Variants in AK5 observed in about 807,000 individuals in gnomAD.
AK5 encodes the protein adenylate kinase 5.
AK5 carries 27 observed loss-of-function variants against 69.5 expected under a neutral mutation model. That is an observed-to-expected ratio of 0.39 (90% CI 0.29 to 0.54). The LOEUF (loss-of-function observed/expected upper bound fraction) is 0.54, where lower values mean the gene tolerates loss of function less well. Among genes scored for constraint, AK5 ranks in the 20% least tolerant of loss-of-function variants. AK5 has a pLI of 0.71. For synonymous variants in AK5, 260 were observed against 244.4 expected (o/e 1.06, Z -0.60); for missense variants, 531 against 700.4 (o/e 0.76, Z 2.73).
At chr1:77,358,873 G>A (rs148293823) in intron 6 of AK5, among the ~76,000 whole-genome samples, 35 of 151,142 alleles carry the variant, frequency 2.3e-4, no homozygotes, top group African/African-American at 8.5e-4. Flanking sequence ...TATTTATAAG[G>A]ATTGGTTTAA....
chr1:77,547,992 A>G (rs1399743975), intron 13 of AK5, among the ~76,000 whole-genome samples: 1 of 152,176 alleles, frequency 6.6e-6, no homozygotes, highest in Non-Finnish European at 1.5e-5. Context: ...TAAACAGGAA[A>G]ATGATTGAGC....
chr1:77,339,644 CTTTT>C (rs34298832), intron 5 of AK5, among the ~76,000 whole-genome samples: 13 of 123,144 alleles, frequency 1.1e-4, no homozygotes, highest in Admixed American at 1.7e-4. Flanking sequence ...TTAGCAATAT[CTTTT>C]TTTTTTTTTT....
At chr1:77,550,226 T>C (rs1659755165) in intron 13 of AK5, among the ~76,000 whole-genome samples, 1 of 152,212 alleles carries the variant, frequency 6.6e-6, no homozygotes, top group Non-Finnish European at 1.5e-5. Flanking sequence ...TTTACAGGCG[T>C]GAGCCATTCC....
intron 10 of AK5, among the ~76,000 whole-genome samples, chr1:77,505,230 A>G (rs1238350597): frequency 6.6e-6 from 1 of 152,242 alleles, no homozygotes; most frequent in Admixed American, 6.5e-5. Context: ...GACTGCAAGC[A>G]CAGATAATCT....
intron 5 of AK5, among the ~76,000 whole-genome samples, chr1:77,301,849 T>C (rs1253110512): frequency 1.3e-5 from 2 of 152,216 alleles, no homozygotes; most frequent in Non-Finnish European, 2.9e-5. Flanking sequence ...AGGCAGGGAT[T>C]GCAAAGGTCC....
chr1:77,430,805 G>A (rs1651586181), intron 8 of AK5, among the ~76,000 whole-genome samples: 1 of 152,186 alleles, frequency 6.6e-6, no homozygotes, highest in South Asian at 2.1e-4. Context: ...AGATAAGGAA[G>A]AGAGAGACTG....
At chr1:77,473,652 A>AT (rs1654657828) in intron 8 of AK5, among the ~76,000 whole-genome samples, 1 of 152,212 alleles carries the variant, frequency 6.6e-6, no homozygotes, top group African/African-American at 2.4e-5. Context: ...TTGAAAAAAG[A>AT]AGCTGTCTTC....
chr1:77,362,967 C>G (rs1006452649), intron 6 of AK5, among the ~76,000 whole-genome samples: 1 of 152,142 alleles, frequency 6.6e-6, no homozygotes, highest in Non-Finnish European at 1.5e-5. Context: ...AACACATAAT[C>G]ACTTCCTTGG....
At chr1:77,392,034 A>C (rs1249693199) in intron 6 of AK5, among the ~76,000 whole-genome samples, 1 of 152,204 alleles carries the variant, frequency 6.6e-6, no homozygotes, top group African/African-American at 2.4e-5. Flanking sequence ...AAAAATGAGA[A>C]ATTCTAGAAT....
chr1:77,451,917 CAT>C (rs1292526774), intron 8 of AK5, among the ~76,000 whole-genome samples: 1 of 152,200 alleles, frequency 6.6e-6, no homozygotes, highest in Non-Finnish European at 1.5e-5. Context: ...GGAACAATCA[CAT>C]GTTTCTACCT....
intron 13 of AK5, among the ~76,000 whole-genome samples, chr1:77,554,750 C>T (rs997961097): frequency 4.6e-5 from 7 of 150,704 alleles, no homozygotes; most frequent in Non-Finnish European, 1.0e-4. Flanking sequence ...GGACTACAGG[C>T]GCCCGCCACC....
At chr1:77,486,590 C>T (rs532678043) in intron 10 of AK5, among the ~76,000 whole-genome samples, 9 of 151,086 alleles carry the variant, frequency 6.0e-5, no homozygotes, top group Admixed American at 4.0e-4. Context: ...CCCAGCTACT[C>T]GGGAGGCTGA....
intron 8 of AK5, among the ~76,000 whole-genome samples, chr1:77,419,967 G>A (rs1055350229): frequency 2.0e-5 from 3 of 151,890 alleles, no homozygotes; most frequent in African/African-American, 7.3e-5. Flanking sequence ...GTATTAATTG[G>A]ACACCGACTG....
intron 3 of AK5, among the ~76,000 whole-genome samples, chr1:77,295,231 G>A (rs1314316991): frequency 6.6e-6 from 1 of 152,166 alleles, no homozygotes; most frequent in Admixed American, 6.5e-5. Context: ...AATTTATGGA[G>A]ACCCCATGCA....
intron 6 of AK5, among the ~76,000 whole-genome samples, chr1:77,385,024 G>A (rs368320455): frequency 1.3e-5 from 2 of 151,728 alleles, no homozygotes; most frequent in South Asian, 2.1e-4. Context: ...GCCAAAATTT[G>A]TTGATTAATA....
intron 5 of AK5, among the ~76,000 whole-genome samples, chr1:77,301,807 A>G (rs1462966365): frequency 6.6e-6 from 1 of 152,202 alleles, no homozygotes; most frequent in Non-Finnish European, 1.5e-5. Context: ...GAGAATATAC[A>G]CAGTACTCAC....
intron 2 of AK5, among the ~76,000 whole-genome samples, chr1:77,290,018 G>A (rs1658596299): frequency 6.6e-6 from 1 of 152,086 alleles, no homozygotes; most frequent in African/African-American, 2.4e-5. Context: ...GGAAAATGTA[G>A]GCTTAATTTT....
chr1:77,372,617 G>A (rs899569128), intron 6 of AK5, among the ~76,000 whole-genome samples: 6 of 152,180 alleles, frequency 3.9e-5, no homozygotes, highest in African/African-American at 9.7e-5. Context: ...TCAAGAAGAA[G>A]TATCTACCAA....
At position 77,535,841 on chromosome 1, in the gene AK5, C is replaced by T; in HGVS notation, c.1429-6C>T. ...TGACTGTGTTGTGCTCCACTCCCAT[C>T]TCCAGATTGGAGACCCACAGTTGGT... On this transcript the variant is annotated splice_region_variant and splice_polypyrimidine_tract_variant and intron_variant, in intron 12 of 13. Coordinates refer to ENST00000354567, the MANE Select transcript of AK5 (RefSeq NM_174858.3). 1.2e-6 allele frequency: 2 copies of T among 1,610,850 alleles called. No individual in the cohort carries two copies. The highest frequency in any genetic ancestry group is 2.2e-5 in the South Asian group (2 of 90,802).
Sources: allele counts gnomAD v4.1 joint callset (sites outside exome capture counted in the v4.1 genomes callset), GRCh38; gene constraint gnomAD v4.1.1; transcripts MANE v1.5; gene names NCBI Gene and HGNC (gene_info 2026-07-23, HGNC 2026-07-21).